Variants in PAK1 observed in about 807,000 individuals in gnomAD.
The protein encoded by PAK1 is p21 (RAC1) activated kinase 1, also known as serine/threonine-protein kinase PAK 1.
Under a neutral mutation model 67.4 loss-of-function variants are expected in PAK1, and 29 were observed. The ratio of observed to expected loss-of-function variants is 0.43; its 90% CI spans 0.32 to 0.59. The LOEUF (loss-of-function observed/expected upper bound fraction) is 0.59. PAK1 is among the 20% of genes least tolerant of loss of function. The pLI is 0.07. For synonymous variants in PAK1, 223 were observed against 237.4 expected, an observed-to-expected ratio of 0.94 and a Z score of 0.56; for missense variants, 337 against 670.7, an observed-to-expected ratio of 0.50 and a Z score of 5.50.
At chr11:77,409,532 T>C (rs959144234) in intron 1 of PAK1, among the ~76,000 whole-genome samples, 2 of 151,904 alleles carry the variant, frequency 1.3e-5, no homozygotes, top group African/African-American at 2.4e-5. Flanking sequence ...ATAGCCAAAA[T>C]GAAAATGTGT....
chr11:77,371,392 T>C (rs1948407139), intron 5 of PAK1, among the ~76,000 whole-genome samples: 1 of 152,200 alleles, frequency 6.6e-6, no homozygotes, highest in Non-Finnish European at 1.5e-5. Flanking sequence ...CAGTCTGTCA[T>C]TAATTTTTTT....
the PAK1 span, among the ~76,000 whole-genome samples, chr11:77,525,027 ACT>A: frequency 6.6e-6 from 1 of 152,170 alleles, no homozygotes; most frequent in Non-Finnish European, 1.5e-5. Context: ...TTCAAACTTT[ACT>A]GAGTTAGTAA....
intron 11 of PAK1, among the ~76,000 whole-genome samples, chr11:77,338,621 G>A (rs1943103514): frequency 6.6e-6 from 1 of 152,104 alleles, no homozygotes. Flanking sequence ...ATATCCAAGA[G>A]AATGAGAACA....
At chr11:77,502,501 C>T in the PAK1 span, among the ~76,000 whole-genome samples, 1 of 152,134 alleles carries the variant, frequency 6.6e-6, no homozygotes, top group African/African-American at 2.4e-5. Context: ...AAGTAGAATT[C>T]CCAGAGGAAC....
chr11:77,480,206 C>T, the PAK1 span, among the ~76,000 whole-genome samples: 4 of 152,210 alleles, frequency 2.6e-5, no homozygotes, highest in Admixed American at 6.5e-5. Context: ...GAATTTTCTT[C>T]CCCCACATAG....
At chr11:77,399,859 A>AG in intron 1 of PAK1, among the ~76,000 whole-genome samples, 3 of 15,126 alleles carry the variant, frequency 2.0e-4, no homozygotes, top group Non-Finnish European at 3.7e-4. Context: ...ACTCCGTCTC[A>AG]AAAAAAAAAA....
chr11:77,479,695 T>C, the PAK1 span, among the ~76,000 whole-genome samples: 1 of 141,342 alleles, frequency 7.1e-6, no homozygotes, highest in Non-Finnish European at 1.5e-5. Flanking sequence ...GCAAACTCCG[T>C]CTCCTGGGCT....
At chr11:77,500,295 C>T in the PAK1 span, among the ~76,000 whole-genome samples, 2 of 151,848 alleles carry the variant, frequency 1.3e-5, no homozygotes, top group African/African-American at 2.4e-5. Flanking sequence ...GGTGAAATCC[C>T]GTCTCTACTA....
intron 5 of PAK1, among the ~76,000 whole-genome samples, chr11:77,370,752 G>A (rs1948319628): frequency 1.3e-5 from 2 of 152,180 alleles, no homozygotes; most frequent in Non-Finnish European, 2.9e-5. Flanking sequence ...TAAGAAATTT[G>A]AGATAGCAAG....
At chr11:77,496,249 C>T in the PAK1 span, among the ~76,000 whole-genome samples, 7 of 151,996 alleles carry the variant, frequency 4.6e-5, no homozygotes, top group African/African-American at 1.7e-4. Context: ...GATCTCTTGA[C>T]TTCATGATCC....
the PAK1 span, among the ~76,000 whole-genome samples, chr11:77,513,343 C>A: frequency 2.0e-5 from 3 of 151,984 alleles, no homozygotes; most frequent in Admixed American, 2.0e-4. Context: ...CAAGATAATC[C>A]TGCAAGTAAA....
chr11:77,435,466 A>G lies in PAK1; in HGVS notation c.-22+38086T>C, dbSNP rs147894168. Among the ~76,000 whole-genome samples, 49 of 151,584 alleles carry G rather than the reference A, an allele frequency of 3.2e-4. 1 individual carries two copies. The highest frequency in any genetic ancestry group is 1.2e-3 in the African/African-American group (48 of 41,244). ...ACAGACATGGAAGTGCCTTGCATAT[A>G]GCTAATTTCCAGAGACACATATTTT... On this transcript the variant is annotated intron_variant, in intron 1 of 14. Coordinates refer to ENST00000356341, the MANE Select transcript of PAK1 (RefSeq NM_002576.5).
intron 5 of PAK1, among the ~76,000 whole-genome samples, chr11:77,360,203 T>C (rs1156940801): frequency 6.6e-6 from 1 of 152,140 alleles, no homozygotes; most frequent in Non-Finnish European, 1.5e-5. Flanking sequence ...ACATTTGACA[T>C]ACTAAAGTAA....
At chr11:77,343,221 T>C (rs577020594) in intron 10 of PAK1, among the ~76,000 whole-genome samples, 1 of 148,530 alleles carries the variant, frequency 6.7e-6, no homozygotes, top group South Asian at 2.1e-4. Context: ...TTAATGAAGA[T>C]AGTGAAAAAG....
At chr11:77,339,881 C>T (rs1221936462) in intron 11 of PAK1, among the ~76,000 whole-genome samples, 1 of 151,674 alleles carries the variant, frequency 6.6e-6, no homozygotes, top group Non-Finnish European at 1.5e-5. Context: ...ATTATTGGGC[C>T]ATCAGAAAGT....
intron 13 of PAK1, among the ~76,000 whole-genome samples, chr11:77,335,814 A>G (rs1040839121): frequency 2.6e-5 from 4 of 152,200 alleles, no homozygotes; most frequent in African/African-American, 9.7e-5. Context: ...TTCTCACAGC[A>G]TTTACCATCT....
At chr11:77,417,524 A>T (rs528743013) in intron 1 of PAK1, among the ~76,000 whole-genome samples, 1 of 152,136 alleles carries the variant, frequency 6.6e-6, no homozygotes, top group Non-Finnish European at 1.5e-5. Context: ...TTAGGGTGTA[A>T]AACTATACTG....
At chr11:77,331,880 T>G (rs1226450452) in intron 14 of PAK1, among the ~76,000 whole-genome samples, 1 of 151,828 alleles carries the variant, frequency 6.6e-6, no homozygotes, top group Non-Finnish European at 1.5e-5. Context: ...TTGCTAAAAA[T>G]GTATCCTTTG....
chr11:77,340,012 A>G (rs1215020995), intron 11 of PAK1, among the ~76,000 whole-genome samples: 5 of 152,140 alleles, frequency 3.3e-5, no homozygotes, highest in Admixed American at 2.6e-4. Context: ...GGCTTTCTGG[A>G]GGGCTTTTCT....
Sources: allele counts gnomAD v4.1 joint callset (sites outside exome capture counted in the v4.1 genomes callset), GRCh38; gene constraint gnomAD v4.1.1; transcripts MANE v1.5; gene names NCBI Gene and HGNC (gene_info 2026-07-23, HGNC 2026-07-21).